Variants in NCKAP5 observed in about 807,000 individuals in gnomAD.
The protein encoded by NCKAP5 is NCK associated protein 5.
A neutral mutation model predicts 167.0 loss-of-function variants in NCKAP5; 92 were observed. The observed-to-expected ratio is 0.55, with a 90% confidence interval of 0.47 to 0.66. NCKAP5 has a LOEUF of 0.66. NCKAP5 is among the 30% of genes least tolerant of loss of function. The pLI, the probability that NCKAP5 is intolerant of heterozygous loss-of-function variation, is 0.00. For synonymous variants in NCKAP5, 891 were observed against 877.4 expected, an observed-to-expected ratio of 1.02 and a Z score of -0.27; for missense variants, 2,378 against 2,315.0, an observed-to-expected ratio of 1.03 and a Z score of -0.56.
chr2:132,677,115 T>G (rs1175599213), intron 19 of NCKAP5, among the ~76,000 whole-genome samples: 1 of 152,160 alleles, frequency 6.6e-6, no homozygotes, highest in Non-Finnish European at 1.5e-5. Context: ...CATCGCCAAT[T>G]CCTTCCTGTG....
At chr2:133,625,544 C>T in the NCKAP5 span, among the ~76,000 whole-genome samples, 2 of 152,078 alleles carry the variant, frequency 1.3e-5, no homozygotes, top group African/African-American at 4.8e-5. Flanking sequence ...TCCACCCCAC[C>T]AGGACTCAAC....
At chr2:133,008,168 C>T (rs1027102228) in intron 6 of NCKAP5, among the ~76,000 whole-genome samples, 2 of 152,092 alleles carry the variant, frequency 1.3e-5, no homozygotes, top group South Asian at 2.1e-4. Context: ...TCTTGGTGGC[C>T]TTTTCCCATT....
intron 16 of NCKAP5, among the ~76,000 whole-genome samples, chr2:132,742,962 A>G (rs1679330154): frequency 6.6e-6 from 1 of 151,924 alleles, no homozygotes; most frequent in Non-Finnish European, 1.5e-5. Flanking sequence ...AAGATAATAA[A>G]AGAAGTAATG....
At chr2:132,807,614 G>A (rs1430875309) in intron 11 of NCKAP5, among the ~76,000 whole-genome samples, 6 of 151,950 alleles carry the variant, frequency 3.9e-5, no homozygotes, top group South Asian at 2.1e-4. Context: ...TCTTGTATCC[G>A]GAAACTTTGC....
chr2:133,618,342 G>T, the NCKAP5 span, among the ~76,000 whole-genome samples: 1 of 150,132 alleles, frequency 6.7e-6, no homozygotes, highest in Non-Finnish European at 1.5e-5. Flanking sequence ...CACAGCAAAA[G>T]AAACTACCAT....
At chr2:133,175,574 A>C (rs1417037490) in intron 5 of NCKAP5, among the ~76,000 whole-genome samples, 1 of 152,172 alleles carries the variant, frequency 6.6e-6, no homozygotes, top group Non-Finnish European at 1.5e-5. Flanking sequence ...GGTTATCCAA[A>C]ACTTTCTGAG....
chr2:133,663,757 A>T, the NCKAP5 span, among the ~76,000 whole-genome samples: 1,644 of 152,230 alleles, frequency 0.011, 31 homozygotes, highest in African/African-American at 0.038. Context: ...CCATATCTGC[A>T]GTTATTTTCT....
At chr2:132,888,590 C>T (rs1227017742) in intron 8 of NCKAP5, among the ~76,000 whole-genome samples, 1 of 152,000 alleles carries the variant, frequency 6.6e-6, no homozygotes, top group Non-Finnish European at 1.5e-5. Context: ...GGGACTTCAC[C>T]ATGTTGGTCA....
At chr2:133,539,858 GA>G (rs1421271232) in intron 2 of NCKAP5, among the ~76,000 whole-genome samples, 5 of 152,188 alleles carry the variant, frequency 3.3e-5, no homozygotes, top group African/African-American at 1.2e-4. Flanking sequence ...TAAGGGCTGA[GA>G]AATTTTCAAA....
chr2:133,637,352 C>T, the NCKAP5 span, among the ~76,000 whole-genome samples: 5 of 151,372 alleles, frequency 3.3e-5, no homozygotes, highest in African/African-American at 4.9e-5. Flanking sequence ...ACCAAACTCT[C>T]AGCAGTCAAA....
At chr2:133,546,054 C>T (rs545046839) in intron 2 of NCKAP5, among the ~76,000 whole-genome samples, 135 of 152,222 alleles carry the variant, frequency 8.9e-4, no homozygotes, top group Middle Eastern at 3.4e-3. Flanking sequence ...AATGCTGAAA[C>T]ACAAATGCAT....
intron 5 of NCKAP5, among the ~76,000 whole-genome samples, chr2:133,173,253 A>T (rs749022624): frequency 1.3e-5 from 2 of 152,136 alleles, no homozygotes; most frequent in Non-Finnish European, 2.9e-5. Context: ...CTGTTCTTTC[A>T]TATAAAGAGG....
chr2:133,132,967 C>G (rs4954028), intron 5 of NCKAP5, among the ~76,000 whole-genome samples: 10,080 of 152,156 alleles, frequency 0.066, 660 homozygotes, highest in East Asian at 0.37. Flanking sequence ...TTAGCCACCA[C>G]GCCCAGCCTG....
chr2:133,291,338 C>T (rs1451719229), intron 4 of NCKAP5, among the ~76,000 whole-genome samples: 2 of 152,114 alleles, frequency 1.3e-5, no homozygotes, highest in Middle Eastern at 3.2e-3. Context: ...TTTAGAGGCT[C>T]CTGGAGGTAA....
chr2:132,888,777 G>T (rs552026548), intron 8 of NCKAP5, among the ~76,000 whole-genome samples: 3 of 152,150 alleles, frequency 2.0e-5, no homozygotes, highest in Admixed American at 2.0e-4. Context: ...CTTGTACTTC[G>T]TTATATTGAA....
At chr2:133,369,467 C>T (rs974233121) in intron 3 of NCKAP5, among the ~76,000 whole-genome samples, 1 of 152,174 alleles carries the variant, frequency 6.6e-6, no homozygotes, top group Non-Finnish European at 1.5e-5. Flanking sequence ...GTAAAGAAAA[C>T]ATGAAGTGCT....
In NCKAP5 at chr2:133,156,042, C is replaced by T. The variant is rs76566127; in HGVS notation, c.208-25931G>A. On this transcript the variant is annotated intron_variant, in intron 5 of 19. Coordinates refer to ENST00000409261, the MANE Select transcript of NCKAP5 (RefSeq NM_207363.3). ...AGACAGGGCAATGACAGTTTGACTGCTACAAAGTCCCCAGTTTCTGTACTG... is the reference window on the plus strand; with the variant it reads ...AGACAGGGCAATGACAGTTTGACTGTTACAAAGTCCCCAGTTTCTGTACTG... Among the ~76,000 whole-genome samples, 1,199 of 152,336 alleles carry T rather than the reference C, an allele frequency of 7.9e-3. 20 individuals carry two copies. The highest frequency in any genetic ancestry group is 0.027 in the African/African-American group (1,142 of 41,572).
At chr2:132,838,019 C>A (rs999157760) in intron 11 of NCKAP5, among the ~76,000 whole-genome samples, 2 of 152,184 alleles carry the variant, frequency 1.3e-5, no homozygotes, top group African/African-American at 4.8e-5. Context: ...CTCTTGTGAT[C>A]CCTGTTACTC....
At chr2:133,421,430 C>G (rs974158740) in intron 3 of NCKAP5, among the ~76,000 whole-genome samples, 2 of 152,126 alleles carry the variant, frequency 1.3e-5, no homozygotes, top group African/African-American at 4.8e-5. Context: ...GCATCCAGCC[C>G]CAATCACTTT....
Sources: gnomAD v4.1 joint callset for allele counts (sites outside exome capture counted in the v4.1 genomes callset) on GRCh38, gnomAD v4.1.1 for gene constraint, MANE v1.5 for transcripts, NCBI Gene and HGNC (gene_info 2026-07-23, HGNC 2026-07-21) for gene names.